Variants in WWOX observed in about 807,000 individuals in gnomAD.
WWOX encodes the protein WW domain-containing oxidoreductase.
Under a neutral mutation model 46.2 loss-of-function variants are expected in WWOX, and 69 were observed. The ratio of observed to expected loss-of-function variants is 1.49; its 90% confidence interval spans 1.23 to 1.82. The LOEUF (loss-of-function observed/expected upper bound fraction) is 1.82. Ranked by LOEUF, WWOX falls within the 40% of genes most tolerant of loss-of-function variation. WWOX has a pLI of 0.00. For synonymous variants in WWOX, 359 were observed against 202.6 expected (o/e 1.77, Z -6.56); for missense variants, 919 against 542.6 (o/e 1.69, Z -6.89).
At chr16:78,804,471 T>A (rs1017950243) in intron 8 of WWOX, among the ~76,000 whole-genome samples, 7 of 152,064 alleles carry the variant, frequency 4.6e-5, no homozygotes, top group African/African-American at 1.7e-4. Flanking sequence ...ACTTTTAATA[T>A]TAACTCCATT....
At chr16:78,478,770 C>T (rs116483787) in intron 8 of WWOX, among the ~76,000 whole-genome samples, 1 of 152,186 alleles carries the variant, frequency 6.6e-6, no homozygotes, top group Non-Finnish European at 1.5e-5. Flanking sequence ...TCTAGCAGTT[C>T]AAACTAGACA....
At chr16:78,171,111 C>T (rs2035143246) in intron 5 of WWOX, among the ~76,000 whole-genome samples, 1 of 152,180 alleles carries the variant, frequency 6.6e-6, no homozygotes, top group Admixed American at 6.5e-5. Flanking sequence ...TCAGTACCAA[C>T]CATTATATTA....
At chr16:78,846,536 G>A (rs1302416522) in intron 8 of WWOX, among the ~76,000 whole-genome samples, 2 of 151,952 alleles carry the variant, frequency 1.3e-5, no homozygotes, top group Non-Finnish European at 2.9e-5. Flanking sequence ...AGAATGACGT[G>A]GTGCATTTTT....
At chr16:78,781,784 T>TA (rs986868290) in intron 8 of WWOX, among the ~76,000 whole-genome samples, 3 of 152,102 alleles carry the variant, frequency 2.0e-5, no homozygotes, top group Non-Finnish European at 4.4e-5. Flanking sequence ...CAAATAAAAT[T>TA]AGTCAGTCAA....
chr16:78,502,043 G>A (rs979214266), intron 8 of WWOX, among the ~76,000 whole-genome samples: 1 of 152,118 alleles, frequency 6.6e-6, no homozygotes, highest in Non-Finnish European at 1.5e-5. Flanking sequence ...GCCTGACTCA[G>A]GGTTTTAGCC....
chr16:78,645,596 G>T lies in WWOX; in HGVS notation c.1056+212844G>T, dbSNP rs546806699. On this transcript the variant is annotated intron_variant, in intron 8 of 8. Coordinates refer to ENST00000566780, the MANE Select transcript of WWOX (RefSeq NM_016373.4). ...AGCCAGCATGTTCAGAGAACATATA[G>T]GGAGAAAGGGAGCAAGAGAGGGGAG... Among the ~76,000 whole-genome samples the T allele has an allele frequency of 2.6e-5, 4 of 152,236 alleles. No homozygotes were observed. In the South Asian group the frequency reaches 8.3e-4, roughly 32 times the overall value.
chr16:78,704,703 GCAGA>G (rs1184943420), intron 8 of WWOX, among the ~76,000 whole-genome samples: 7 of 152,130 alleles, frequency 4.6e-5, no homozygotes, highest in Non-Finnish European at 1.0e-4. Context: ...GTAATAGTAA[GCAGA>G]CAGTTTTCCG....
At chr16:78,743,233 T>C (rs563742885) in intron 8 of WWOX, among the ~76,000 whole-genome samples, 7 of 152,262 alleles carry the variant, frequency 4.6e-5, no homozygotes, top group South Asian at 4.2e-4. Context: ...AGCCATCTTA[T>C]CTCTCTGAGT....
intron 8 of WWOX, among the ~76,000 whole-genome samples, chr16:79,160,904 C>A (rs1195947454): frequency 1.3e-5 from 2 of 151,782 alleles, no homozygotes; most frequent in African/African-American, 4.9e-5. Context: ...TATACACATA[C>A]AATACATATA....
intron 5 of WWOX, among the ~76,000 whole-genome samples, chr16:78,195,821 CAAAAAAAAAAA>C (rs148609646): frequency 6.6e-5 from 5 of 76,038 alleles, no homozygotes; most frequent in African/African-American, 2.6e-4. Context: ...GACTCTGCCT[CAAAAAAAAAAA>C]AAAAAAAAGA....
intron 8 of WWOX, among the ~76,000 whole-genome samples, chr16:78,585,374 T>A (rs2045171056): frequency 6.6e-6 from 1 of 152,150 alleles, no homozygotes; most frequent in African/African-American, 2.4e-5. Flanking sequence ...TCGTTAGCAT[T>A]CTTTATCTTT....
At chr16:78,414,792 T>G (rs1178500311) in intron 6 of WWOX, among the ~76,000 whole-genome samples, 1 of 152,168 alleles carries the variant, frequency 6.6e-6, no homozygotes, top group East Asian at 1.9e-4. Flanking sequence ...AAAGCTGTTA[T>G]TTAAACTATA....
At chr16:79,141,626 G>C (rs1411335274) in intron 8 of WWOX, among the ~76,000 whole-genome samples, 1 of 152,198 alleles carries the variant, frequency 6.6e-6, no homozygotes, top group East Asian at 1.9e-4. Flanking sequence ...AAAGAAGTTT[G>C]GGGTGAAAAC....
At chr16:78,953,079 A>G (rs1427594298) in intron 8 of WWOX, among the ~76,000 whole-genome samples, 3 of 151,618 alleles carry the variant, frequency 2.0e-5, no homozygotes, top group South Asian at 2.1e-4. Context: ...CAATCTGACC[A>G]TATACCAACC....
intron 3 of WWOX, among the ~76,000 whole-genome samples, chr16:78,112,674 T>G (rs2151671632): frequency 7.0e-6 from 1 of 142,422 alleles, no homozygotes; most frequent in Admixed American, 7.4e-5. Context: ...ATGTTGAAAA[T>G]GTTTTTTTTT....
At chr16:79,163,178 A>T (rs564986298) in intron 8 of WWOX, among the ~76,000 whole-genome samples, 1 of 152,284 alleles carries the variant, frequency 6.6e-6, no homozygotes, top group African/African-American at 2.4e-5. Flanking sequence ...GACACTGTGT[A>T]TACAAACCTA....
At chr16:79,027,382 A>T (rs942109448) in intron 8 of WWOX, among the ~76,000 whole-genome samples, 4 of 151,480 alleles carry the variant, frequency 2.6e-5, no homozygotes, top group Admixed American at 6.6e-5. Flanking sequence ...CATTGTTATT[A>T]TAATTACTTC....
intron 8 of WWOX, among the ~76,000 whole-genome samples, chr16:78,719,551 G>A (rs1245333128): frequency 1.3e-5 from 2 of 152,170 alleles, no homozygotes; most frequent in Non-Finnish European, 2.9e-5. Context: ...TAATTAAGAA[G>A]GAGAAGGGGG....
intron 8 of WWOX, among the ~76,000 whole-genome samples, chr16:78,554,221 T>C (rs936509767): frequency 2.0e-5 from 3 of 152,050 alleles, no homozygotes; most frequent in Non-Finnish European, 4.4e-5. Flanking sequence ...GCCAGATGCA[T>C]GTGGACATGA....
Sources: gnomAD v4.1 joint callset for allele counts (sites outside exome capture counted in the v4.1 genomes callset) on GRCh38, gnomAD v4.1.1 for gene constraint, MANE v1.5 for transcripts, NCBI Gene and HGNC (gene_info 2026-07-23, HGNC 2026-07-21) for gene names.